SLC9A6: variants seen among roughly 807,000 people sequenced by gnomAD.
The protein encoded by SLC9A6 is sodium/hydrogen exchanger 6.
SLC9A6 carries 6 observed loss-of-function variants against 45.3 expected under a neutral mutation model. That is an observed-to-expected ratio of 0.13 (90% CI 0.07 to 0.26). The LOEUF is 0.26. Ranked by LOEUF, SLC9A6 falls within the 10% of genes least tolerant of loss-of-function variation. SLC9A6 has a pLI of 1.00. For missense variants in SLC9A6, 278 were observed against 503.7 expected (o/e 0.55, Z 4.29); for synonymous variants, 191 against 187.7 (o/e 1.02, Z -0.14).
Position 136,010,503 on chromosome X carries a change from T to A in SLC9A6, c.805T>A (p.Phe269Ile). The A allele has an allele frequency of 1.7e-6, 2 of 1,210,947 alleles. No individual in the cohort carries two copies. Among genetic ancestry groups the A allele is most frequent in the Non-Finnish European group, 2.2e-6 (2 of 894,523 alleles). Residue 269 changes from phenylalanine to isoleucine, a missense_variant, in exon 8 of 18, where the codon TTC (phenylalanine) becomes ATC (isoleucine). By Grantham distance (21) the Phe-to-Ile change is conservative. Around this residue, in one of 5 missense-constraint regions of SLC9A6, gnomAD observed 118 missense variants for 209.9 expected, o/e 0.56. Transcript: ENST00000630721. ...TCACACCTTTGATGTCACAGCGATG[T>A]TCAAGTCTATTGGGATCTTCCTTGG... The part of the protein sequence containing the change: ...NSHTFDVTAM[F>I]KSIGIFLGIF...
At chrX:136,031,480 A>G (rs963966667) in intron 15 of SLC9A6, among the ~76,000 whole-genome samples, 13 of 112,217 alleles carry the variant, frequency 1.2e-4, no homozygotes, top group African/African-American at 3.9e-4. Flanking sequence ...CGGGTGGATC[A>G]CACGAGGTCA....
At chrX:135,988,456 TTTTCTTTCTTTCTTTCTTTTC>T (rs1373276173) in intron 2 of SLC9A6, among the ~76,000 whole-genome samples, 3 of 107,433 alleles carry the variant, frequency 2.8e-5, no homozygotes, top group Non-Finnish European at 3.8e-5. Flanking sequence ...TTTCTCTCTC[TTTTCTTTCTTTCTTTCTTTTC>T]TTTCTTTCTT....
At chrX:136,002,978 T>C (rs1364274928) in intron 7 of SLC9A6, among the ~76,000 whole-genome samples, 1 of 111,039 alleles carries the variant, frequency 9.0e-6, no homozygotes, top group African/African-American at 3.3e-5. Context: ...CCCTAGTTCC[T>C]TGTAGATAAC....
At chrX:135,986,316 C>T (rs1674257959) in intron 2 of SLC9A6, among the ~76,000 whole-genome samples, 1 of 110,770 alleles carries the variant, frequency 9.0e-6, no homozygotes, top group Admixed American at 9.6e-5. Context: ...ACACCTAGCT[C>T]CTGCTACGCC....
upstream of SLC9A6, among the ~76,000 whole-genome samples, chrX:135,982,415 G>C (rs2089290476): frequency 9.2e-6 from 1 of 108,557 alleles, no homozygotes; most frequent in Non-Finnish European, 1.9e-5. Flanking sequence ...GGGGGGCGGT[G>C]ATTGTTGGAG....
chrX:135,996,270 G>A (rs1440676850), intron 3 of SLC9A6, among the ~76,000 whole-genome samples: 2 of 109,206 alleles, frequency 1.8e-5, no homozygotes, highest in Admixed American at 9.9e-5. Context: ...GGACTCAGGC[G>A]AACCACCCAC....
chrX:135,998,950 G>T lies in SLC9A6; in HGVS notation c.619G>T (p.Val207Leu). The T allele has an allele frequency of 8.4e-7, 1 of 1,186,598 alleles. No individual in the cohort carries two copies. The highest frequency in any genetic ancestry group is 1.7e-5 in the African/African-American group (1 of 57,358). Residue 207 changes from valine to leucine, a missense_variant, in exon 6 of 18, where the codon GTA becomes TTA. Val to Leu is a conservative substitution (Grantham distance 32). Coordinates refer to ENST00000630721, the MANE Select transcript of SLC9A6 (RefSeq NM_001379110.1). ...AGATTGCCTACTGTTTGGTGCCATT[G>T]TATCAGCAACTGATCCAGGTATGTT... ...FTDCLLFGAI[V>L]SATDPVTVLA...
intron 16 of SLC9A6, among the ~76,000 whole-genome samples, chrX:136,033,784 A>G (rs1216997664): frequency 8.9e-6 from 1 of 111,837 alleles, no homozygotes; most frequent in East Asian, 2.8e-4. Flanking sequence ...GCAAACTTTA[A>G]TATTTGTTGT....
intron 1 of SLC9A6, among the ~76,000 whole-genome samples, chrX:135,980,062 G>A (rs988925300): frequency 6.3e-5 from 7 of 111,432 alleles, no homozygotes; most frequent in South Asian, 3.7e-4. Context: ...CACTGCACTC[G>A]GCCTCCACAT....
intron 3 of SLC9A6, among the ~76,000 whole-genome samples, chrX:135,995,699 T>C (rs1404394403): frequency 1.8e-5 from 2 of 112,457 alleles, no homozygotes; most frequent in African/African-American, 6.5e-5. Context: ...TAATATTTCT[T>C]TCAATTCTTT....
chrX:136,029,045 A>G (rs1461257577), intron 14 of SLC9A6, 70 bp downstream of exon 14: 4 of 283,073 alleles, frequency 1.4e-5, no homozygotes, highest in Non-Finnish European at 2.5e-5. Context: ...AGATGCACAG[A>G]GGAGAAAATG....
At position 135,985,441 on chromosome X, in the gene SLC9A6, T is replaced by G. The variant is rs1437871307; in HGVS notation, c.-93T>G. On this transcript the variant is annotated 5_prime_UTR_variant, in exon 1 of 18. Coordinates refer to ENST00000630721, the MANE Select transcript of SLC9A6 (RefSeq NM_001379110.1). ...GGCCCCGCCCCTTTCCCGTGAGCCC[T>G]CGGGGAGTGGTCCGACCGCGGGCGG... 1.1e-6 allele frequency: 1 copy of G among 879,034 alleles called. No homozygotes were observed. Among genetic ancestry groups the G allele is most frequent in the African/African-American group, 2.2e-5 (1 of 45,436 alleles). The allele number at this position is 879,034 out of a possible 1,213,427, so 72.4% of individuals were successfully genotyped here. A position where few individuals can be genotyped will look rare whatever the true frequency, so the allele number is the denominator to read the frequency against.
upstream of SLC9A6, chrX:135,985,391 G>GAGAGGCTAGAGCCATGGACGAGGAGAT: frequency 2.2e-6 from 1 of 462,976 alleles, no homozygotes; most frequent in Non-Finnish European, 3.2e-6. Flanking sequence ...GGCGGCGGCG[G>GAGAGGCTAGAGCCATGGACGAGGAGAT]CGCGCGCTCC....
At chrX:136,004,791 G>A (rs2089632754) in intron 7 of SLC9A6, among the ~76,000 whole-genome samples, 1 of 112,219 alleles carries the variant, frequency 8.9e-6, no homozygotes, top group South Asian at 3.7e-4. Flanking sequence ...CCTAAAGGCT[G>A]TAACTCATAT....
rs782140621 is a variant in SLC9A6, at chrX:136,044,650, C to T, written c.1966C>T (p.Arg656Cys). 1 of 1,208,900 alleles carries T rather than the reference C, an allele frequency of 8.3e-7. No individual in the cohort carries two copies. The highest frequency in any genetic ancestry group is 1.8e-5 in the South Asian group (1 of 56,886). The change falls in exon 18 of 18, where the codon CGC becomes TGC. Residue 656 changes from arginine to cysteine, a missense_variant. Physicochemically the swap from Arg to Cys is radical, Grantham distance 180 (BLOSUM62 -3). This residue lies in a region of SLC9A6 where 91 missense variants were observed against 125.1 expected (regional missense o/e 0.73). Transcript: ENST00000630721. ...CCATGAACTGGTCATTCGAGGAACACGCCTGGTTCTTCCAATGGATGATTC... is the reference window on the plus strand; with the variant it reads ...CCATGAACTGGTCATTCGAGGAACATGCCTGGTTCTTCCAATGGATGATTC... ...GDHELVIRGT[R>C]LVLPMDDSEP...
At position 135,985,811 on chromosome X, in the gene SLC9A6, C is replaced by T. The variant is rs781790298; in HGVS notation, c.153C>T (p.Gly51=). 8.3e-7 allele frequency: 1 copy of T among 1,211,578 alleles called. No homozygotes were observed. The highest frequency in any genetic ancestry group is 1.1e-6 in the Non-Finnish European group (1 of 895,514). The part of the protein sequence containing the change: ...HRRARFLHET[G]LAMIYGLLVG... ...GGGCCCGCTTCCTGCACGAAACCGGCCTGGCTATGATTTATGGCAAGTTCC... is the reference window on the plus strand; with the variant it reads ...GGGCCCGCTTCCTGCACGAAACCGGTCTGGCTATGATTTATGGCAAGTTCC... Residue 51 remains glycine, a synonymous_variant, in exon 2 of 18, where the codon GGC becomes GGT. Coordinates refer to ENST00000630721, the MANE Select transcript of SLC9A6 (RefSeq NM_001379110.1).
intron 16 of SLC9A6, among the ~76,000 whole-genome samples, chrX:136,038,175 A>G (rs1352321558): frequency 5.4e-5 from 6 of 111,578 alleles, no homozygotes; most frequent in South Asian, 7.4e-4. Flanking sequence ...ACGTTTTTGG[A>G]TATATCCTTT....
intron 11 of SLC9A6, among the ~76,000 whole-genome samples, chrX:136,017,742 G>A (rs1425322512): frequency 8.9e-6 from 1 of 111,903 alleles, no homozygotes; most frequent in Non-Finnish European, 1.9e-5. Context: ...CTTAAATTTA[G>A]CAGCTTAAAA....
chrX:135,978,039 C>G (rs1281275326), intron 1 of SLC9A6, among the ~76,000 whole-genome samples: 2 of 112,228 alleles, frequency 1.8e-5, no homozygotes, highest in South Asian at 3.7e-4. Context: ...TAGTGTTTAC[C>G]TGCCTAGGTT....
Sources: gnomAD v4.1 joint callset for allele counts (sites outside exome capture counted in the v4.1 genomes callset) on GRCh38, gnomAD v4.1.1 for gene constraint, gnomAD v4.1.1 regional missense constraint, MANE v1.5 for transcripts, NCBI Gene and HGNC (gene_info 2026-07-23, HGNC 2026-07-21) for gene names.